Variants in PHF21A observed in about 807,000 individuals in gnomAD.
The protein encoded by PHF21A is BHC80a.
Under a neutral mutation model 82.5 loss-of-function variants are expected in PHF21A, and 11 were observed. The ratio of observed to expected loss-of-function variants is 0.13; its 90% CI spans 0.08 to 0.22. The LOEUF is 0.22. PHF21A is among the 10% of genes least tolerant of loss of function. PHF21A has a pLI of 1.00. For synonymous variants in PHF21A, 297 were observed against 302.8 expected (o/e 0.98, Z 0.20); for missense variants, 579 against 837.8 (o/e 0.69, Z 3.81).
intron 6 of PHF21A, among the ~76,000 whole-genome samples, chr11:46,007,634 G>C (rs2095326658): frequency 6.6e-6 from 1 of 152,012 alleles, no homozygotes. Context: ...TTTTATGATA[G>C]TTTTACTGTT....
At chr11:46,058,146 C>G (rs2096486196) in intron 6 of PHF21A, among the ~76,000 whole-genome samples, 1 of 152,094 alleles carries the variant, frequency 6.6e-6, no homozygotes, top group Non-Finnish European at 1.5e-5. Context: ...GAACACCTCC[C>G]TACATTCTAC....
intron 6 of PHF21A, among the ~76,000 whole-genome samples, chr11:46,043,150 G>A (rs1472237971): frequency 6.6e-6 from 1 of 152,080 alleles, no homozygotes; most frequent in Non-Finnish European, 1.5e-5. Context: ...GGGTCCTTTA[G>A]AGGTAAGAAA....
intron 6 of PHF21A, among the ~76,000 whole-genome samples, chr11:45,984,654 G>C (rs2094434870): frequency 6.6e-6 from 1 of 152,178 alleles, no homozygotes; most frequent in Admixed American, 6.5e-5. Context: ...CGGAGAGACG[G>C]AAGGACTGCC....
intron 9 of PHF21A, among the ~76,000 whole-genome samples, chr11:45,966,421 C>T (rs2093437825): frequency 1.3e-5 from 2 of 152,076 alleles, no homozygotes. Flanking sequence ...CTTCTAATAT[C>T]TGTCTACTTC....
At chr11:45,957,531 C>T (rs936293291) in intron 10 of PHF21A, among the ~76,000 whole-genome samples, 3 of 151,824 alleles carry the variant, frequency 2.0e-5, no homozygotes, top group African/African-American at 7.3e-5. Context: ...CATTCTTAAA[C>T]AAGCAATGGG....
At chr11:46,113,611 C>T (rs1398598772) in intron 1 of PHF21A, among the ~76,000 whole-genome samples, 1 of 152,028 alleles carries the variant, frequency 6.6e-6, no homozygotes, top group East Asian at 1.9e-4. Context: ...GGGTGAATTA[C>T]GAGATCAAGA....
intron 7 of PHF21A, among the ~76,000 whole-genome samples, chr11:45,974,146 T>C (rs1211665588): frequency 6.6e-6 from 1 of 152,204 alleles, no homozygotes; most frequent in Non-Finnish European, 1.5e-5. Flanking sequence ...GTTTGTCTAG[T>C]ATACAGGCAC....
chr11:46,038,796 T>C (rs899255440), intron 6 of PHF21A, among the ~76,000 whole-genome samples: 1 of 152,170 alleles, frequency 6.6e-6, no homozygotes, highest in Admixed American at 6.5e-5. Flanking sequence ...TGATAACCCA[T>C]GAATCTGTGG....
intron 6 of PHF21A, among the ~76,000 whole-genome samples, chr11:46,030,394 T>C (rs1237129280): frequency 1.3e-5 from 2 of 152,244 alleles, no homozygotes; most frequent in African/African-American, 4.8e-5. Flanking sequence ...GCCCAGGTTT[T>C]CATCATTTGT....
chr11:46,075,148 A>G (rs1592858917), intron 6 of PHF21A, among the ~76,000 whole-genome samples: 1 of 152,366 alleles, frequency 6.6e-6, no homozygotes, highest in East Asian at 1.9e-4. Context: ...GCAATTTTCT[A>G]TTCAGTAAGG....
At chr11:46,043,328 C>T (rs1316425315) in intron 6 of PHF21A, among the ~76,000 whole-genome samples, 1 of 152,086 alleles carries the variant, frequency 6.6e-6, no homozygotes, top group Non-Finnish European at 1.5e-5. Context: ...GGAATTTGTT[C>T]AGAAACACCA....
At chr11:46,095,687 T>C (rs1593159613) in intron 1 of PHF21A, among the ~76,000 whole-genome samples, 1 of 152,094 alleles carries the variant, frequency 6.6e-6, no homozygotes, top group African/African-American at 2.4e-5. Flanking sequence ...TTAATAATTA[T>C]TTAAATACCT....
chr11:46,094,355 T>C (rs2096964436), intron 1 of PHF21A, among the ~76,000 whole-genome samples: 1 of 151,974 alleles, frequency 6.6e-6, no homozygotes, highest in African/African-American at 2.4e-5. Flanking sequence ...GCATAGAAAA[T>C]CAAACCCGGA....
intron 3 of PHF21A, among the ~76,000 whole-genome samples, chr11:46,088,144 T>C (rs975530760): frequency 2.0e-5 from 3 of 152,210 alleles, no homozygotes; most frequent in Non-Finnish European, 4.4e-5. Context: ...AATTATTGGC[T>C]ACATTTGTAA....
Position 46,084,211 on chromosome 11 carries a change from C to T in PHF21A, c.9G>A (p.Leu3=). Residue 3 remains leucine, a synonymous_variant, in exon 4 of 19, where the codon TTG becomes TTA. Coordinates refer to ENST00000676320, the MANE Select transcript of PHF21A (RefSeq NM_001352027.3). ...CTTTAAGAGCCTCCTGTAGAGTCTG[C>T]AACTCCATCCTCTACCTTCTCCACT... ME[L]QTLQEALKVE... 6.2e-7 allele frequency: 1 copy of T among 1,600,746 alleles called. No individual in the cohort carries two copies.
rs190587444 is a variant in PHF21A at position 46,082,663 on chromosome 11, A to C, written c.54+1503T>G. ...AACTATATCCCTTTTGAGTCAACAA[A>C]TGTAAATTTAAAATTTTAATTAGAT... is the stretch of plus-strand genomic sequence containing the variant. On this transcript the variant is annotated intron_variant, in intron 4 of 18. Transcript: ENST00000676320. 6.0e-3 allele frequency among the ~76,000 whole-genome samples: 918 copies of C among 152,288 alleles called. 8 individuals are homozygous for C. The highest frequency in any genetic ancestry group is 0.02 in the Middle Eastern group (6 of 294).
chr11:46,017,546 T>G (rs1048445788), intron 6 of PHF21A, among the ~76,000 whole-genome samples: 1 of 151,840 alleles, frequency 6.6e-6, no homozygotes, highest in African/African-American at 2.4e-5. Flanking sequence ...GAGCTCCATA[T>G]TTATAAGTTA....
At chr11:45,965,257 A>C in intron 10 of PHF21A, 58 bp downstream of exon 10, 1 of 1,442,344 alleles carries the variant, frequency 6.9e-7, no homozygotes, top group Non-Finnish European at 9.6e-7. Flanking sequence ...AAAGCCCAGC[A>C]GCCATATGCC....
At chr11:45,985,420 A>ATG (rs2094457746) in intron 6 of PHF21A, among the ~76,000 whole-genome samples, 1 of 152,208 alleles carries the variant, frequency 6.6e-6, no homozygotes, top group Admixed American at 6.5e-5. Flanking sequence ...ATGAACAAAA[A>ATG]CACAGAATGC....
Sources: gnomAD v4.1 joint callset for allele counts (sites outside exome capture counted in the v4.1 genomes callset) on GRCh38, gnomAD v4.1.1 for gene constraint, MANE v1.5 for transcripts, NCBI Gene and HGNC (gene_info 2026-07-23, HGNC 2026-07-21) for gene names.